The following FREM1 variants were observed in gnomAD, a reference collection of about 807,000 sequenced individuals.
The protein encoded by FREM1 is FRAS1 related extracellular matrix 1.
Under a neutral mutation model 210.1 loss-of-function variants are expected in FREM1, and 220 were observed. The observed-to-expected ratio is 1.05, with a 90% CI of 0.94 to 1.17. FREM1 has a LOEUF of 1.17. Ranked by LOEUF, FREM1 falls within the 50% of genes most tolerant of loss-of-function variation. FREM1 has a pLI of 0.00. For missense variants in FREM1, 3,454 were observed against 2,675.5 expected (o/e 1.29, Z -6.42); for synonymous variants, 1,189 against 980.2 (o/e 1.21, Z -3.98).
chr9:14,742,336 A>G (rs1841719098), intron 35 of FREM1, among the ~76,000 whole-genome samples: 1 of 152,282 alleles, frequency 6.6e-6, no homozygotes, highest in South Asian at 2.1e-4. Context: ...CCTGCGGGAA[A>G]ACAAAATGGC....
intron 32 of FREM1, 115 bp downstream of exon 32, chr9:14,747,566 T>C: frequency 1.9e-6 from 2 of 1,059,142 alleles, no homozygotes; most frequent in South Asian, 3.6e-5. Context: ...AGCCTCTAAT[T>C]TCAAAACAAT....
At chr9:14,853,372 A>G (rs1828113664) in intron 5 of FREM1, among the ~76,000 whole-genome samples, 1 of 152,214 alleles carries the variant, frequency 6.6e-6, no homozygotes. Flanking sequence ...TCCAGTAGGA[A>G]AATGCTGGAG....
At chr9:14,830,647 C>G (rs902512089) in intron 10 of FREM1, among the ~76,000 whole-genome samples, 11 of 152,192 alleles carry the variant, frequency 7.2e-5, no homozygotes, top group Non-Finnish European at 1.2e-4. Flanking sequence ...GCTCCCCCCG[C>G]TCTGTTTCTG....
chr9:14,807,755 T>C (rs1204200904), intron 17 of FREM1, among the ~76,000 whole-genome samples, 185 bp downstream of exon 17: 6 of 152,110 alleles, frequency 3.9e-5, no homozygotes, highest in Non-Finnish European at 7.4e-5. Flanking sequence ...AACATGTAAA[T>C]TCTTTTGCCC....
rs993220472 is a variant in FREM1 at position 14,772,549 on chromosome 9, T to C, written c.4858-1743A>G. On this transcript the variant is annotated intron_variant, in intron 25 of 36. Coordinates refer to ENST00000380880, the MANE Select transcript of FREM1 (RefSeq NM_001379081.2). ...ACCAACAATAGGTTTTTGAGTGGTATGGTTGTCAAGAATTTTTTTTCTTGT... is the reference window on the plus strand; with the variant it reads ...ACCAACAATAGGTTTTTGAGTGGTACGGTTGTCAAGAATTTTTTTTCTTGT... 4.6e-5 allele frequency among the ~76,000 whole-genome samples: 7 copies of C among 152,348 alleles called. No homozygotes were observed. In the East Asian group the frequency reaches 1.2e-3, roughly 25 times the overall value.
At chr9:14,803,340 C>A (rs983882793) in intron 19 of FREM1, among the ~76,000 whole-genome samples, 2 of 139,920 alleles carry the variant, frequency 1.4e-5, no homozygotes, top group African/African-American at 5.3e-5. Flanking sequence ...CTACCCTCCT[C>A]CTTCCTTCCT....
intron 10 of FREM1, 105 bp from the exon 11 acceptor site, chr9:14,825,097 A>C (rs1822088260): frequency 2.8e-6 from 2 of 722,928 alleles, no homozygotes; most frequent in Admixed American, 3.3e-5. Context: ...TAAAACTGTC[A>C]TTTATAATAT....
At chr9:14,829,114 AT>A (rs200232794) in intron 10 of FREM1, among the ~76,000 whole-genome samples, 1 of 151,922 alleles carries the variant, frequency 6.6e-6, no homozygotes, top group African/African-American at 2.4e-5. Flanking sequence ...ATCTAGCACA[AT>A]TTTTTTTGTA....
intron 1 of FREM1, among the ~76,000 whole-genome samples, chr9:14,884,986 G>A (rs1333956045): frequency 1.6e-5 from 2 of 126,876 alleles, no homozygotes; most frequent in Non-Finnish European, 1.5e-5. Flanking sequence ...GTGCAGTGGT[G>A]CGATCTCGGC....
chr9:14,802,464 G>A (rs58106195), intron 19 of FREM1, among the ~76,000 whole-genome samples: 180 of 152,196 alleles, frequency 1.2e-3, no homozygotes, highest in African/African-American at 4.2e-3. Flanking sequence ...TTCATAATGG[G>A]TCCCTCATCT....
At position 14,814,939 on chromosome 9, in the gene FREM1, T is replaced by A. The variant is rs114227576; in HGVS notation, c.2640+1839A>T. On this transcript the variant is annotated intron_variant, in intron 15 of 36. Transcript: ENST00000380880. ...TCATGGATGGAAGATAGGGTTGGGG[T>A]TTTTTCCCCACAAATTTGCTTTTCA... Among the ~76,000 whole-genome samples, 810 of 152,194 alleles carry A rather than the reference T, an allele frequency of 5.3e-3. 11 individuals are homozygous for A. The highest frequency in any genetic ancestry group is 0.019 in the African/African-American group (769 of 41,510).
At chr9:14,830,507 C>A (rs577862232) in intron 10 of FREM1, among the ~76,000 whole-genome samples, 261 of 152,248 alleles carry the variant, frequency 1.7e-3, no homozygotes, top group African/African-American at 6.1e-3. Flanking sequence ...TAAAATGGGA[C>A]TTTTCTCACC....
intron 29 of FREM1, among the ~76,000 whole-genome samples, chr9:14,756,037 G>A (rs1199037659): frequency 6.6e-6 from 1 of 152,056 alleles, no homozygotes; most frequent in East Asian, 1.9e-4. Flanking sequence ...AAATATCTGA[G>A]GCAATTAAAC....
At chr9:14,814,736 C>G (rs1462528302) in intron 15 of FREM1, among the ~76,000 whole-genome samples, 1 of 151,974 alleles carries the variant, frequency 6.6e-6, no homozygotes, top group Non-Finnish European at 1.5e-5. Context: ...TCTCAGCTTT[C>G]AAATGAATAA....
intron 27 of FREM1, among the ~76,000 whole-genome samples, chr9:14,768,788 A>C (rs779322237): frequency 5.3e-5 from 8 of 152,190 alleles, no homozygotes; most frequent in Non-Finnish European, 1.0e-4. Flanking sequence ...GGAGTTTCTC[A>C]GCTTTCTTTT....
chr9:14,831,708 T>C (rs1262894333), intron 10 of FREM1, among the ~76,000 whole-genome samples: 1 of 152,234 alleles, frequency 6.6e-6, no homozygotes, highest in Non-Finnish European at 1.5e-5. Flanking sequence ...CTTGCCCAAT[T>C]ACATGATTTT....
chr9:14,806,901 T>G (rs1259722984), intron 17 of FREM1, 55 bp from the exon 18 acceptor site: 1 of 1,134,720 alleles, frequency 8.8e-7, no homozygotes, highest in South Asian at 1.9e-5. Flanking sequence ...CTAAACAGAC[T>G]GGGTAGGACA....
chr9:14,752,883 A>C (rs1843642268), intron 29 of FREM1, among the ~76,000 whole-genome samples: 2 of 152,116 alleles, frequency 1.3e-5, no homozygotes, highest in Non-Finnish European at 2.9e-5. Context: ...AAAACAAAAA[A>C]CTTAAGGTTT....
intron 14 of FREM1, among the ~76,000 whole-genome samples, chr9:14,818,086 T>C (rs992460285): frequency 6.6e-6 from 1 of 152,200 alleles, no homozygotes; most frequent in Non-Finnish European, 1.5e-5. Context: ...AGTTCTTCAA[T>C]TAAAATATGA....
Sources: allele counts gnomAD v4.1 joint callset (sites outside exome capture counted in the v4.1 genomes callset), GRCh38; gene constraint gnomAD v4.1.1; transcripts MANE v1.5; gene names NCBI Gene and HGNC (gene_info 2026-07-23, HGNC 2026-07-21).